The following PDCD10 variants were observed in gnomAD, a reference collection of about 807,000 sequenced individuals.
PDCD10 encodes the protein programmed cell death 10, also known as programmed cell death protein 10.
A neutral mutation model predicts 29.2 loss-of-function variants in PDCD10; 4 were observed. The observed-to-expected ratio is 0.14, with a 90% CI of 0.07 to 0.31. The LOEUF is 0.31. Ranked by LOEUF, PDCD10 falls within the 10% of genes least tolerant of loss-of-function variation. The pLI is 1.00. For synonymous variants in PDCD10, 70 were observed against 82.2 expected (o/e 0.85, Z 0.80); for missense variants, 183 against 257.9 (o/e 0.71, Z 1.99).
At chr3:167,692,945 CA>C (rs1244759177) in intron 6 of PDCD10, among the ~76,000 whole-genome samples, 1 of 152,066 alleles carries the variant, frequency 6.6e-6, no homozygotes, top group East Asian at 1.9e-4. Context: ...ACAAAACAAA[CA>C]AAAAAACCCT....
rs1237996833 is a variant in PDCD10, at chr3:167,683,974, T to C, written c.*334A>G. 1.2e-5 allele frequency: 3 copies of C among 256,090 alleles called. No homozygotes were observed. The highest frequency in any genetic ancestry group is 6.7e-5 in the African/African-American group (3 of 44,920). The allele number at this position is 256,090 out of a possible 1,614,324, so 15.9% of individuals were successfully genotyped here. On this transcript the variant is annotated 3_prime_UTR_variant, in exon 9 of 9. Transcript: ENST00000392750. ...TTGTTAAATACATTATCTTGCAGCA[T>C]ATCGCTTTCAAGTTAAAATGTCAGA...
intron 3 of PDCD10, among the ~76,000 whole-genome samples, chr3:167,705,368 G>C (rs1721872225): frequency 6.6e-6 from 1 of 151,672 alleles, no homozygotes; most frequent in African/African-American, 2.4e-5. Flanking sequence ...TTTTTACTTG[G>C]GACAATATTA....
chr3:167,723,488 C>T (rs1294485910), intron 2 of PDCD10, among the ~76,000 whole-genome samples: 1 of 152,152 alleles, frequency 6.6e-6, no homozygotes, highest in African/African-American at 2.4e-5. Flanking sequence ...ACTACAAATC[C>T]CACATCTGAA....
intron 4 of PDCD10, among the ~76,000 whole-genome samples, chr3:167,701,839 A>T (rs1045686795): frequency 6.6e-6 from 1 of 152,204 alleles, no homozygotes; most frequent in African/African-American, 2.4e-5. Flanking sequence ...CATGTTGTGC[A>T]TGACTCCACA....
At chr3:167,688,265 C>T (rs1239937493) in intron 6 of PDCD10, among the ~76,000 whole-genome samples, 1 of 152,172 alleles carries the variant, frequency 6.6e-6, no homozygotes, top group Admixed American at 6.5e-5. Context: ...CTCCCTTACT[C>T]TTTTACAGAC....
At chr3:167,720,506 T>G (rs1410234669) in intron 2 of PDCD10, among the ~76,000 whole-genome samples, 2 of 152,210 alleles carry the variant, frequency 1.3e-5, no homozygotes, top group Non-Finnish European at 2.9e-5. Context: ...AAGCAGTGAC[T>G]TAAGACGCTG....
intron 2 of PDCD10, among the ~76,000 whole-genome samples, chr3:167,724,750 A>G (rs1041820492): frequency 8.5e-5 from 13 of 152,240 alleles, no homozygotes; most frequent in Non-Finnish European, 1.8e-4. Flanking sequence ...TGGAACCAAA[A>G]TTCAGTGATA....
intron 2 of PDCD10, among the ~76,000 whole-genome samples, chr3:167,727,911 A>G (rs1724376344): frequency 6.6e-6 from 1 of 152,238 alleles, no homozygotes; most frequent in African/African-American, 2.4e-5. Flanking sequence ...CAGACAATAA[A>G]TAGCCTCTGC....
intron 6 of PDCD10, among the ~76,000 whole-genome samples, chr3:167,689,903 T>C (rs1393306739): frequency 1.3e-5 from 2 of 152,202 alleles, no homozygotes; most frequent in Non-Finnish European, 2.9e-5. Flanking sequence ...GTTATCCATA[T>C]GTACACAGAA....
chr3:167,725,782 T>TAC, intron 2 of PDCD10, among the ~76,000 whole-genome samples: 1 of 103,888 alleles, frequency 9.6e-6, no homozygotes, highest in Non-Finnish European at 1.8e-5. Flanking sequence ...TATATATATA[T>TAC]ATATATATAT....
At chr3:167,698,014 G>T (rs1185803255) in intron 4 of PDCD10, 5 of 456,050 alleles carry the variant, frequency 1.1e-5, no homozygotes, top group Admixed American at 2.4e-5. Flanking sequence ...CACAATTTAC[G>T]ATCTTAATCA....
chr3:167,683,353 A>C lies in PDCD10; in HGVS notation c.*955T>G, dbSNP rs1303696707. ...AAAAATGAAACCACTTAACATGAAC[A>C]CTTGATACATAATTTCCTTAAAACT... On this transcript the variant is annotated 3_prime_UTR_variant, in exon 9 of 9. Coordinates refer to ENST00000392750, the MANE Select transcript of PDCD10 (RefSeq NM_007217.4). 1 of 152,038 alleles carries C rather than the reference A, an allele frequency of 6.6e-6. No homozygotes were observed. Among genetic ancestry groups the C allele is most frequent in the African/African-American group, 2.4e-5 (1 of 41,426 alleles). The allele number at this position is 152,038 out of a possible 1,614,324, so 9.4% of individuals were successfully genotyped here. A position where few individuals can be genotyped will look rare whatever the true frequency, so the allele number is the denominator to read the frequency against.
In PDCD10 at chr3:167,686,098, G is replaced by A. The variant is rs1216133418; in HGVS notation, c.557+1136C>T. 2.0e-5 allele frequency among the ~76,000 whole-genome samples: 3 copies of A among 152,054 alleles called. No individual in the cohort carries two copies. The South Asian group carries it at 6.2e-4, about 32-fold the overall frequency. On this transcript the variant is annotated intron_variant, in intron 8 of 8. Transcript: ENST00000392750. Reference sequence around the variant, plus strand: ...CTGAATAGCAGGATGGAATGATTGAGGTCTCTATTTACTTTTCTGACTTTA... The same window carrying A: ...CTGAATAGCAGGATGGAATGATTGAAGTCTCTATTTACTTTTCTGACTTTA...
At chr3:167,712,503 A>G (rs572929444) in intron 3 of PDCD10, among the ~76,000 whole-genome samples, 1 of 152,192 alleles carries the variant, frequency 6.6e-6, no homozygotes, top group African/African-American at 2.4e-5. Context: ...AAAACATACC[A>G]CCAGAGAAAA....
intron 3 of PDCD10, among the ~76,000 whole-genome samples, chr3:167,706,610 T>C (rs1230030128): frequency 6.6e-6 from 1 of 152,216 alleles, no homozygotes; most frequent in Non-Finnish European, 1.5e-5. Flanking sequence ...GAGAGGAATT[T>C]TTCTGCTCAA....
intron 6 of PDCD10, among the ~76,000 whole-genome samples, chr3:167,688,780 C>T (rs993181069): frequency 1.3e-5 from 2 of 152,106 alleles, no homozygotes; most frequent in African/African-American, 2.4e-5. Context: ...CATTTTATTA[C>T]TAATACTAAT....
At chr3:167,685,497 T>C (rs2108367726) in intron 8 of PDCD10, among the ~76,000 whole-genome samples, 2 of 151,906 alleles carry the variant, frequency 1.3e-5, no homozygotes, top group Middle Eastern at 6.8e-3. Flanking sequence ...GATCAGGTTC[T>C]ATCAATAATT....
At chr3:167,694,845 C>T (rs1720632833) in intron 6 of PDCD10, among the ~76,000 whole-genome samples, 1 of 152,232 alleles carries the variant, frequency 6.6e-6, no homozygotes, top group Non-Finnish European at 1.5e-5. Flanking sequence ...AAGACCTGCG[C>T]TAAATCTTTT....
At position 167,723,219 on chromosome 3, in the gene PDCD10, G is replaced by A. The variant is rs1250242368; in HGVS notation, c.-116-2946C>T. 3.3e-5 allele frequency among the ~76,000 whole-genome samples: 5 copies of A among 152,112 alleles called. No individual in the cohort carries two copies. The East Asian group carries it at 5.8e-4, about 18-fold the overall frequency. On this transcript the variant is annotated intron_variant, in intron 2 of 8. Coordinates refer to ENST00000392750, the MANE Select transcript of PDCD10 (RefSeq NM_007217.4). ...AAAATATGCCTTTGTCATTCCTTCC[G>A]CATGCTTCTTCATTTGAAATAGTTC...
Sources: gnomAD v4.1 joint callset for allele counts (sites outside exome capture counted in the v4.1 genomes callset) on GRCh38, gnomAD v4.1.1 for gene constraint, MANE v1.5 for transcripts, NCBI Gene and HGNC (gene_info 2026-07-23, HGNC 2026-07-21) for gene names.